The following GPR137C variants were observed in gnomAD, a reference collection of about 807,000 sequenced individuals.
The protein encoded by GPR137C is integral membrane protein GPR137C.
In GPR137C, 27 loss-of-function variants were observed where a neutral mutation model predicts 43.4. The ratio of observed to expected loss-of-function variants is 0.62; its 90% CI spans 0.46 to 0.86. The LOEUF is 0.86. Ranked by LOEUF, GPR137C falls within the 40% of genes least tolerant of loss-of-function variation. The pLI is 0.00. For synonymous variants in GPR137C, 285 were observed against 226.9 expected (o/e 1.26, Z -2.30); for missense variants, 522 against 534.6 (o/e 0.98, Z 0.23).
rs181297648 is a variant in GPR137C, at chr14:52,636,081, C to T, written c.*966C>T. ...TCCTCAGGTAAATGAAATCATGATA[C>T]ATTATTGCAGTGAACTCAAGTGCAA... On this transcript the variant is annotated 3_prime_UTR_variant, in exon 7 of 7. Coordinates refer to ENST00000321662, the MANE Select transcript of GPR137C (RefSeq NM_001099652.2). The T allele has an allele frequency of 3.3e-5, 5 of 152,164 alleles. No homozygotes were observed. The highest frequency in any genetic ancestry group is 2.6e-4 in the Admixed American group (4 of 15,244). The allele number at this position is 152,164 out of a possible 1,614,324, so 9.4% of individuals were successfully genotyped here.
intron 3 of GPR137C, among the ~76,000 whole-genome samples, chr14:52,625,708 C>G (rs549507566): frequency 6.6e-5 from 10 of 151,586 alleles, no homozygotes; most frequent in Admixed American, 4.6e-4. Flanking sequence ...GCACCCGCCA[C>G]CATGCCCGGC....
intron 3 of GPR137C, chr14:52,612,802 A>G (rs2039052666): frequency 6.6e-6 from 1 of 151,090 alleles, no homozygotes; most frequent in South Asian, 2.1e-4. Context: ...CTGGCCTCAG[A>G]TGATCCTGTC....
At chr14:52,627,199 C>T (rs1307836602) in intron 3 of GPR137C, among the ~76,000 whole-genome samples, 1 of 151,512 alleles carries the variant, frequency 6.6e-6, no homozygotes, top group East Asian at 2.0e-4. Context: ...TCAAGACCAG[C>T]CTTGGCAATG....
chr14:52,614,221 A>G (rs1317884209), intron 3 of GPR137C, among the ~76,000 whole-genome samples: 2 of 148,314 alleles, frequency 1.3e-5, no homozygotes, highest in Non-Finnish European at 3.0e-5. Context: ...CCTGGGCTCA[A>G]TCAGTCCTCC....
chr14:52,634,951 C>A lies in GPR137C; in HGVS notation c.1126C>A (p.Gln376Lys). ...SSREGSLPNS[Q>K]SLGWYGTMTG... ...TTTTTGTTGCAGTTTACCAAATTCGCAAAGTTTGGGCTGGTATGGCACCAT... is the reference window on the plus strand; with the variant it reads ...TTTTTGTTGCAGTTTACCAAATTCGAAAAGTTTGGGCTGGTATGGCACCAT... Residue 376 changes from glutamine (Q) to lysine (K), a missense_variant, in exon 7 of 7, where the codon CAA becomes AAA. Gln to Lys is a moderately conservative substitution (Grantham distance 53, BLOSUM62 1). Coordinates refer to ENST00000321662, the MANE Select transcript of GPR137C (RefSeq NM_001099652.2). The A allele has an allele frequency of 6.2e-7, 1 of 1,611,796 alleles. No homozygotes were observed. The highest frequency in any genetic ancestry group is 1.3e-5 in the African/African-American group (1 of 74,820).
intron 1 of GPR137C, among the ~76,000 whole-genome samples, chr14:52,563,244 G>A (rs2038313449): frequency 2.0e-5 from 3 of 152,112 alleles, no homozygotes; most frequent in Admixed American, 6.6e-5. Flanking sequence ...CATCAGAGAG[G>A]TTGAGATTTC....
At chr14:52,574,269 A>G (rs2038516900) in intron 1 of GPR137C, among the ~76,000 whole-genome samples, 1 of 152,178 alleles carries the variant, frequency 6.6e-6, no homozygotes, top group Admixed American at 6.5e-5. Flanking sequence ...ACATGCACAC[A>G]TATGTTTATT....
chr14:52,615,466 G>GTT, intron 3 of GPR137C, among the ~76,000 whole-genome samples: 1 of 82,674 alleles, frequency 1.2e-5, no homozygotes, highest in Non-Finnish European at 2.6e-5. Flanking sequence ...TACATTTTAG[G>GTT]GTTTTTTTTT....
At chr14:52,631,454 T>C (rs113941671) in intron 3 of GPR137C, among the ~76,000 whole-genome samples, 45 of 152,134 alleles carry the variant, frequency 3.0e-4, no homozygotes, top group Admixed American at 1.3e-3. Context: ...ATAAAATACA[T>C]AGGATTGCAA....
chr14:52,612,103 A>C (rs1263456026), intron 3 of GPR137C: 1 of 984,100 alleles, frequency 1.0e-6, no homozygotes, highest in Non-Finnish European at 1.2e-6. Flanking sequence ...TTATAGTTTT[A>C]TGGGCAGTTA....
intron 1 of GPR137C, among the ~76,000 whole-genome samples, chr14:52,586,139 C>T (rs1321514933): frequency 6.6e-6 from 1 of 152,174 alleles, no homozygotes; most frequent in South Asian, 2.1e-4. Flanking sequence ...GGGAGGACAG[C>T]GTTCTCTACC....
chr14:52,606,338 G>C (rs1252647404), intron 3 of GPR137C, among the ~76,000 whole-genome samples: 1 of 152,110 alleles, frequency 6.6e-6, no homozygotes, highest in Non-Finnish European at 1.5e-5. Flanking sequence ...GTTCGTAATA[G>C]TCTCTAATGA....
chr14:52,635,821 T>C lies in GPR137C; in HGVS notation c.*706T>C, dbSNP rs1164910053. On this transcript the variant is annotated 3_prime_UTR_variant, in exon 7 of 7. Coordinates refer to ENST00000321662, the MANE Select transcript of GPR137C (RefSeq NM_001099652.2). ...TTGAGTAGAATTGGTCAGTTGATTA[T>C]TTTGTGTAATTGAGATATATGTAGT... The C allele has an allele frequency of 6.6e-6, 1 of 152,078 alleles. No homozygotes were observed. The highest frequency in any genetic ancestry group is 1.5e-5 in the Non-Finnish European group (1 of 67,980). 9.4% of individuals were successfully genotyped at this position (152,078 alleles called of 1,614,324 possible).
Position 52,634,822 on chromosome 14 carries a change from A to G in GPR137C, c.1113-116A>G, listed in dbSNP as rs549270499. ...TGTTATTTGACAAAGAACATATTTC[A>G]ATGTATTTGAGTGCTAACTTTATTA... On this transcript the variant is annotated intron_variant, in intron 6 of 6. Coordinates refer to ENST00000321662, the MANE Select transcript of GPR137C (RefSeq NM_001099652.2). 62 of 787,460 alleles carry G rather than the reference A, an allele frequency of 7.9e-5. No homozygotes were observed. The African/African-American group carries it at 9.8e-4, about 12-fold the overall frequency. 48.8% of individuals were successfully genotyped at this position (787,460 alleles called of 1,614,324 possible).
chr14:52,633,542 G>C lies in GPR137C; in HGVS notation c.880G>C (p.Asp294His). Residue 294 changes from aspartate to histidine, a missense_variant, in exon 5 of 7, where the codon GAC becomes CAC. Asp to His is a moderately conservative substitution (Grantham distance 81, BLOSUM62 -1). Coordinates refer to ENST00000321662, the MANE Select transcript of GPR137C (RefSeq NM_001099652.2). ...DNLSDKAHVEDISGEEYIVFG... is the reference protein window; with the variant it reads ...DNLSDKAHVEHISGEEYIVFG... ...GCTCTATTTACAGGCTCATGTAGAA[G>C]ACATAAGTGGAGAAGAGTATATAGT... is the stretch of plus-strand genomic sequence containing the variant. The C allele has an allele frequency of 6.2e-7, 1 of 1,612,094 alleles. No homozygotes were observed. The highest frequency in any genetic ancestry group is 8.5e-7 in the Non-Finnish European group (1 of 1,178,490).
rs559421965 is a variant in GPR137C, at chr14:52,620,739, A to G, written c.718-11421A>G. Among the ~76,000 whole-genome samples, 4 of 152,154 alleles carry G rather than the reference A, an allele frequency of 2.6e-5. No individual in the cohort carries two copies. The East Asian group carries it at 5.8e-4, about 22-fold the overall frequency. ...AAGAGAAATAAAAACTATTAAAAAAACCAAATGGAAATTCTAGAATTTAAA... is the reference window on the plus strand; with the variant it reads ...AAGAGAAATAAAAACTATTAAAAAAGCCAAATGGAAATTCTAGAATTTAAA... On this transcript the variant is annotated intron_variant, in intron 3 of 6. Transcript: ENST00000321662.
intron 3 of GPR137C, chr14:52,613,280 G>C (rs2039059622): frequency 6.6e-6 from 1 of 151,736 alleles, no homozygotes; most frequent in African/African-American, 2.4e-5. Context: ...TCTGATACAG[G>C]CATGAGAAGC....
intron 1 of GPR137C, among the ~76,000 whole-genome samples, chr14:52,595,262 A>T (rs1276611105): frequency 1.3e-5 from 2 of 151,890 alleles, no homozygotes; most frequent in African/African-American, 4.8e-5. Flanking sequence ...TTTTTCCTTC[A>T]TTTCAACCTT....
intron 1 of GPR137C, among the ~76,000 whole-genome samples, chr14:52,557,459 A>G (rs1026610993): frequency 1.3e-5 from 2 of 152,202 alleles, no homozygotes; most frequent in African/African-American, 4.8e-5. Context: ...CAAAATAGAA[A>G]AGTCTGTAAG....
Sources: gnomAD v4.1 joint callset for allele counts (sites outside exome capture counted in the v4.1 genomes callset) on GRCh38, gnomAD v4.1.1 for gene constraint, MANE v1.5 for transcripts, NCBI Gene and HGNC (gene_info 2026-07-23, HGNC 2026-07-21) for gene names.